Variants in CAPZA2 observed in about 807,000 individuals in gnomAD.
CAPZA2 encodes capping actin protein of muscle Z-line subunit alpha 2.
In CAPZA2, 13 loss-of-function variants were observed where a neutral mutation model predicts 44.0. That is an observed-to-expected ratio of 0.30 (90% CI 0.19 to 0.47). The LOEUF (loss-of-function observed/expected upper bound fraction) is 0.47, where lower values mean the gene tolerates loss of function less well. Among genes scored for constraint, CAPZA2 ranks in the 20% least tolerant of loss-of-function variants. The pLI is 1.00. For synonymous variants in CAPZA2, 94 were observed against 108.2 expected (o/e 0.87, Z 0.81); for missense variants, 244 against 338.6 (o/e 0.72, Z 2.19).
At chr7:116,903,900 C>G (rs1797027079) in intron 4 of CAPZA2, among the ~76,000 whole-genome samples, 7 of 152,146 alleles carry the variant, frequency 4.6e-5, no homozygotes, top group Admixed American at 4.6e-4. Context: ...CCACCAAACC[C>G]ACTTGAACAG....
chr7:116,901,845 A>G (rs990328845), intron 4 of CAPZA2, among the ~76,000 whole-genome samples: 15 of 151,202 alleles, frequency 9.9e-5, no homozygotes, highest in Admixed American at 1.3e-4. Flanking sequence ...CATAAAGTTT[A>G]TGTGGAAAAA....
At chr7:116,885,823 C>G (rs1372962945) in intron 1 of CAPZA2, among the ~76,000 whole-genome samples, 1 of 152,184 alleles carries the variant, frequency 6.6e-6, no homozygotes, top group Non-Finnish European at 1.5e-5. Context: ...TCTTCCGAAG[C>G]TCTCCAAACC....
intron 1 of CAPZA2, among the ~76,000 whole-genome samples, chr7:116,867,047 A>G (rs554619426): frequency 3.7e-4 from 57 of 152,312 alleles, no homozygotes; most frequent in African/African-American, 1.3e-3. Flanking sequence ...GTACCTTACA[A>G]TCAACTGGTA....
chr7:116,895,331 G>A (rs1012789790), intron 3 of CAPZA2, among the ~76,000 whole-genome samples: 2 of 151,546 alleles, frequency 1.3e-5, no homozygotes, highest in Non-Finnish European at 2.9e-5. Flanking sequence ...TGAAAGTATG[G>A]GACTTTTATT....
At position 116,920,612 on chromosome 7, in the gene CAPZA2, A is replaced by G. The variant is rs953295184; in HGVS notation, c.*2745A>G. 7 of 152,462 alleles carry G rather than the reference A, an allele frequency of 4.6e-5. No homozygotes were observed. Among genetic ancestry groups the G allele is most frequent in the Non-Finnish European group, 1.0e-4 (7 of 68,162 alleles). 9.4% of individuals were successfully genotyped at this position (152,462 alleles called of 1,614,324 possible). A position where few individuals can be genotyped will look rare whatever the true frequency, so the allele number is the denominator to read the frequency against. ...ATTGAGGAAGATTCTTGTAGGAGCAAGTTGGTTTGGAGAAGAAGGCTGGTC... is the reference window on the plus strand; with the variant it reads ...ATTGAGGAAGATTCTTGTAGGAGCAGGTTGGTTTGGAGAAGAAGGCTGGTC... On this transcript the variant is annotated 3_prime_UTR_variant, in exon 10 of 10. Coordinates refer to ENST00000361183, the MANE Select transcript of CAPZA2 (RefSeq NM_006136.3).
chr7:116,889,497 G>A (rs1399819743), intron 2 of CAPZA2, among the ~76,000 whole-genome samples: 1 of 151,504 alleles, frequency 6.6e-6, no homozygotes, highest in Non-Finnish European at 1.5e-5. Flanking sequence ...TGAGGCAGGA[G>A]GATTGCTTGA....
chr7:116,869,045 G>T (rs1016691609), intron 1 of CAPZA2, among the ~76,000 whole-genome samples: 1 of 152,190 alleles, frequency 6.6e-6, no homozygotes, highest in African/African-American at 2.4e-5. Context: ...AACACTTAGA[G>T]CAGAGAATCT....
chr7:116,882,255 G>C (rs1249021403), intron 1 of CAPZA2, among the ~76,000 whole-genome samples: 1 of 151,950 alleles, frequency 6.6e-6, no homozygotes, highest in Admixed American at 6.6e-5. Context: ...ATGATTTTTT[G>C]CTTGCTAGAA....
chr7:116,885,346 C>G (rs1281425948), intron 1 of CAPZA2, among the ~76,000 whole-genome samples: 1 of 150,082 alleles, frequency 6.7e-6, no homozygotes, highest in Non-Finnish European at 1.5e-5. Context: ...TTTGTATTCT[C>G]CCACTCAGCA....
intron 2 of CAPZA2, chr7:116,888,843 C>A (rs1796797418): frequency 6.6e-6 from 1 of 151,540 alleles, no homozygotes; most frequent in Admixed American, 6.6e-5. Context: ...AAAACAAAAA[C>A]AAACAAACAA....
intron 1 of CAPZA2, among the ~76,000 whole-genome samples, chr7:116,868,617 C>A (rs1441474750): frequency 6.6e-6 from 1 of 152,016 alleles, no homozygotes; most frequent in African/African-American, 2.4e-5. Flanking sequence ...ACCTGTAGTC[C>A]CAGCTACTCG....
At chr7:116,864,928 A>G (rs993672946) in intron 1 of CAPZA2, among the ~76,000 whole-genome samples, 1 of 152,076 alleles carries the variant, frequency 6.6e-6, no homozygotes, top group South Asian at 2.1e-4. Context: ...TCCATTCTAG[A>G]TTGCAAATTT....
At position 116,904,969 on chromosome 7, in the gene CAPZA2, TAAA is replaced by T. The variant is rs371485695; in HGVS notation, c.426+604_426+606del. Among the ~76,000 whole-genome samples, 55 of 95,598 alleles carry T rather than the reference TAAA, an allele frequency of 5.8e-4. 1 individual carries two copies. Among genetic ancestry groups the T allele is most frequent in the African/African-American group, 2.0e-3 (49 of 24,072 alleles). The allele number at this position is 95,598 out of a possible 152,430, so 62.7% of individuals were successfully genotyped here. ...AGCATGGTGAAACCCTGTCTCTACT[TAAA>T]AAAAAAAAAAAAAAAAACAATTAGC... On this transcript the variant is annotated intron_variant, in intron 5 of 9. Transcript: ENST00000361183.
chr7:116,878,548 C>A (rs779664191), intron 1 of CAPZA2, among the ~76,000 whole-genome samples: 2 of 152,180 alleles, frequency 1.3e-5, no homozygotes, highest in African/African-American at 2.4e-5. Flanking sequence ...GAAACAAAAT[C>A]TTGGCTACAG....
At chr7:116,890,287 A>G (rs1384132386) in intron 2 of CAPZA2, among the ~76,000 whole-genome samples, 2 of 151,838 alleles carry the variant, frequency 1.3e-5, no homozygotes, top group African/African-American at 2.4e-5. Context: ...GGATGAGCCT[A>G]TTAAATAGGC....
chr7:116,905,637 CTTG>C (rs1174406733), intron 5 of CAPZA2, among the ~76,000 whole-genome samples: 1 of 152,120 alleles, frequency 6.6e-6, no homozygotes, highest in Non-Finnish European at 1.5e-5. Context: ...TGAATTATAA[CTTG>C]TTCATCAGGA....
chr7:116,870,327 A>G (rs942482374), intron 1 of CAPZA2, among the ~76,000 whole-genome samples: 3 of 152,236 alleles, frequency 2.0e-5, no homozygotes, highest in African/African-American at 7.2e-5. Flanking sequence ...ACCAGAGAGC[A>G]CAACATAGGG....
At chr7:116,882,277 G>A (rs1219971841) in intron 1 of CAPZA2, among the ~76,000 whole-genome samples, 1 of 152,110 alleles carries the variant, frequency 6.6e-6, no homozygotes, top group Non-Finnish European at 1.5e-5. Flanking sequence ...TACTGTGGTG[G>A]TCACCCAAGG....
chr7:116,868,670 G>A (rs1230914345), intron 1 of CAPZA2, among the ~76,000 whole-genome samples: 1 of 152,202 alleles, frequency 6.6e-6, no homozygotes, highest in South Asian at 2.1e-4. Flanking sequence ...GGAGGTGGAT[G>A]TTGCAGTGAG....
Sources: allele counts gnomAD v4.1 joint callset (sites outside exome capture counted in the v4.1 genomes callset), GRCh38; gene constraint gnomAD v4.1.1; transcripts MANE v1.5; gene names NCBI Gene and HGNC (gene_info 2026-07-23, HGNC 2026-07-21).